SEC16B: variants seen among roughly 807,000 people sequenced by gnomAD.
SEC16B encodes the protein SEC16 homolog B, endoplasmic reticulum export factor.
In SEC16B, 115 loss-of-function variants were observed where a neutral mutation model predicts 141.8. That is an observed-to-expected ratio of 0.81 (90% CI 0.70 to 0.95). The LOEUF (loss-of-function observed/expected upper bound fraction) is 0.95, where lower values mean the gene tolerates loss of function less well. Ranked by LOEUF, SEC16B falls within the 40% of genes least tolerant of loss-of-function variation. The probability of loss-of-function intolerance (pLI) is 0.00; values close to 1 mark genes in which losing one functional copy is unlikely to be tolerated. For missense variants in SEC16B, 1,291 were observed against 1,312.3 expected (o/e 0.98, Z 0.25); for synonymous variants, 493 against 492.5 (o/e 1.00, Z -0.01).
rs1650888348 is a variant in SEC16B, at chr1:177,936,948, A to C, written c.2503+266T>G. On this transcript the variant is annotated intron_variant, in intron 19 of 25. Transcript: ENST00000308284. Reference sequence around the variant, plus strand: ...TCCTAGAAACTATGTAATCATTTGGATGGCAGGAGTGGCTCCATTTGCCCT... The same window carrying C: ...TCCTAGAAACTATGTAATCATTTGGCTGGCAGGAGTGGCTCCATTTGCCCT... Among the ~76,000 whole-genome samples, 4 of 152,166 alleles carry C rather than the reference A, an allele frequency of 2.6e-5. No individual in the cohort carries two copies. In the South Asian group the frequency reaches 8.3e-4, roughly 31 times the overall value.
chr1:177,975,905 G>C (rs551578614), intron 1 of SEC16B, among the ~76,000 whole-genome samples: 150 of 152,286 alleles, frequency 9.8e-4, no homozygotes, highest in Non-Finnish European at 1.9e-3. Context: ...TGGCAGACAA[G>C]ATGCAGAGCG....
At chr1:177,974,092 A>C (rs1458543406), upstream of SEC16B, among the ~76,000 whole-genome samples, 2 of 151,900 alleles carry the variant, frequency 1.3e-5, no homozygotes, top group South Asian at 4.1e-4. Flanking sequence ...AGGATGATCC[A>C]AGTTTTCAGG....
upstream of SEC16B, among the ~76,000 whole-genome samples, chr1:177,970,411 C>A (rs1198336957): frequency 1.3e-5 from 2 of 152,132 alleles, no homozygotes; most frequent in Admixed American, 6.5e-5. Flanking sequence ...AGGGTCATTA[C>A]GGGGCTGAAA....
chr1:177,965,261 G>A, intron 3 of SEC16B, 94 bp from the exon 4 acceptor site: 1 of 1,420,008 alleles, frequency 7.0e-7, no homozygotes, highest in East Asian at 2.4e-5. Context: ...AGCTCCTGGA[G>A]CACAGTAGAT....
rs1412651654 is a variant in SEC16B at position 177,979,347 on chromosome 1, C to T, written c.-59+4859G>A. Reference sequence around the variant, plus strand: ...GACAAGTTCTCCTTGTATAAAGGTTCATACTATTTTGCAGGTTCTACTGTT... The same window carrying T: ...GACAAGTTCTCCTTGTATAAAGGTTTATACTATTTTGCAGGTTCTACTGTT... On this transcript the variant is annotated intron_variant and NMD_transcript_variant, in intron 1 of 24. Coordinates refer to the SEC16B transcript ENST00000528461. Among the ~76,000 whole-genome samples, 2 of 152,286 alleles carry T rather than the reference C, an allele frequency of 1.3e-5. 1 individual carries two copies. The highest frequency in any genetic ancestry group is 3.9e-4 in the East Asian group (2 of 5,174).
In SEC16B at chr1:177,949,383, AACACACACACACACACACAC is replaced by A. The variant is rs61635250; in HGVS notation, c.1546-1461_1546-1442del. On this transcript the variant is annotated intron_variant, in intron 12 of 25. Transcript: ENST00000308284. ...CAAAAGGGAAGGAAATCCCTTGCTA[AACACACACACACACACACAC>A]ACACACACACACACACACACACACA... 2.6e-3 allele frequency among the ~76,000 whole-genome samples: 361 copies of A among 136,800 alleles called. 4 individuals carry two copies. The highest frequency in any genetic ancestry group is 0.01 in the East Asian group (49 of 4,726). The allele number at this position is 136,800 out of a possible 152,430, so 89.7% of individuals were successfully genotyped here. A position where few individuals can be genotyped will look rare whatever the true frequency, so the allele number is the denominator to read the frequency against.
chr1:177,937,250 C>A lies in SEC16B; in HGVS notation c.2467G>T (p.Val823Phe). The A allele has an allele frequency of 6.2e-7, 1 of 1,613,752 alleles. No homozygotes were observed. The highest frequency in any genetic ancestry group is 8.5e-7 in the Non-Finnish European group (1 of 1,179,814). Residue 823 changes from valine (V) to phenylalanine (F), a missense_variant, in exon 19 of 26, where the codon GTC becomes TTC. Transcript: ENST00000308284. ...TGTGTCTGCAGCATTTCCTCCCAGA[C>A]TGTTCCTCCAGTGGCCTCTGTCACT... Reference protein sequence around the residue: ...VAVTEATGGTVWEEMLQTHLG... With the variant: ...VAVTEATGGTFWEEMLQTHLG...
At chr1:177,954,649 C>CT (rs1200302768) in intron 10 of SEC16B, among the ~76,000 whole-genome samples, 11 of 152,320 alleles carry the variant, frequency 7.2e-5, no homozygotes, top group African/African-American at 2.2e-4. Context: ...AGCCTCATCT[C>CT]TTTAGCAAAA....
rs1295294293 is a variant in SEC16B at position 177,978,702 on chromosome 1, A to AATAG, written c.-59+5503_-59+5504insCTAT. Among the ~76,000 whole-genome samples the AATAG allele has an allele frequency of 1.8e-3, 147 of 82,710 alleles. 1 individual carries two copies. The highest frequency in any genetic ancestry group is 4.7e-3 in the Middle Eastern group (1 of 214). 54.3% of individuals were successfully genotyped at this position (82,710 alleles called of 152,430 possible). ...GGTGACAAAGTAAGACCCTGTCTCA[A>AATAG]ATAAATAAATAAATAAATAAATAAA... On this transcript the variant is annotated intron_variant and NMD_transcript_variant, in intron 1 of 24. Transcript: ENST00000528461.
intron 14 of SEC16B, 105 bp from the exon 15 acceptor site, chr1:177,944,771 T>G: frequency 1.1e-6 from 1 of 919,352 alleles, no homozygotes; most frequent in Non-Finnish European, 1.7e-6. Flanking sequence ...TGGGGGAGTT[T>G]CCATCCTGGG....
chr1:177,931,047 C>G (rs1316912803), intron 24 of SEC16B, among the ~76,000 whole-genome samples: 1 of 152,150 alleles, frequency 6.6e-6, no homozygotes, highest in Non-Finnish European at 1.5e-5. Context: ...GTAGAACTAC[C>G]ATTTGATCCA....
chr1:177,948,933 AC>A (rs1378017114), intron 12 of SEC16B, among the ~76,000 whole-genome samples: 3 of 149,232 alleles, frequency 2.0e-5, no homozygotes, highest in African/African-American at 7.7e-5. Flanking sequence ...ACACACACAC[AC>A]ACACACACAC....
chr1:177,958,150 G>C lies in SEC16B; in HGVS notation c.1347C>G (p.Leu449=). Residue 449 remains leucine (L), a synonymous_variant, in exon 10 of 26, where the codon CTC becomes CTG. Coordinates refer to ENST00000308284, the MANE Select transcript of SEC16B (RefSeq NM_033127.4). ...TACTTGCCTTCTTCCTTCCATAGTA[G>C]AGCAGCCTAGTGAATTTCTCCACGA... ...AQIVEKFTRL[L]YYGRKKEALE... The C allele has an allele frequency of 2.6e-6, 4 of 1,533,200 alleles. No homozygotes were observed. The highest frequency in any genetic ancestry group is 3.5e-6 in the Non-Finnish European group (4 of 1,136,036). The allele number at this position is 1,533,200 out of a possible 1,614,324, so 95.0% of individuals were successfully genotyped here.
At chr1:177,964,094 C>A in intron 5 of SEC16B, 77 bp downstream of exon 5, 1 of 1,031,922 alleles carries the variant, frequency 9.7e-7, no homozygotes, top group Non-Finnish European at 1.4e-6. Flanking sequence ...TCCCCAAGGG[C>A]CCTGTTCTGC....
In SEC16B at chr1:177,936,421, T is replaced by A. The variant is rs530095207; in HGVS notation, c.2504-56A>T. On this transcript the variant is annotated intron_variant, in intron 19 of 25. Coordinates refer to ENST00000308284, the MANE Select transcript of SEC16B (RefSeq NM_033127.4). Reference sequence around the variant, plus strand: ...TTGGAAGTTGTGCTTTTCCCATCTATCCTGAAGAAGGGTAACTGGGACACA... The same window carrying A: ...TTGGAAGTTGTGCTTTTCCCATCTAACCTGAAGAAGGGTAACTGGGACACA... The A allele has an allele frequency of 3.4e-6, 5 of 1,454,220 alleles. No homozygotes were observed. In the African/African-American group the frequency reaches 5.6e-5, roughly 16 times the overall value. The allele number at this position is 1,454,220 out of a possible 1,614,324, so 90.1% of individuals were successfully genotyped here.
At chr1:177,969,065 T>C (rs1247547213) in intron 1 of SEC16B, among the ~76,000 whole-genome samples, 2 of 152,214 alleles carry the variant, frequency 1.3e-5, no homozygotes, top group African/African-American at 4.8e-5. Flanking sequence ...GGATTCCTTG[T>C]GTCAGGAGCA....
At chr1:177,937,163 C>T in intron 19 of SEC16B, 51 bp downstream of exon 19, 6 of 1,538,802 alleles carry the variant, frequency 3.9e-6, no homozygotes, top group Non-Finnish European at 5.2e-6. Context: ...CCTGCTTCCT[C>T]CCCACCCAGA....
chr1:177,960,615 A>C, intron 7 of SEC16B, 176 bp downstream of exon 7: 1 of 718,840 alleles, frequency 1.4e-6, no homozygotes, highest in Non-Finnish European at 2.3e-6. Context: ...CTTTCAGAGA[A>C]GAGCCCCACC....
intron 1 of SEC16B, among the ~76,000 whole-genome samples, chr1:177,976,514 T>G (rs889488758): frequency 2.0e-5 from 3 of 152,180 alleles, no homozygotes; most frequent in Non-Finnish European, 4.4e-5. Context: ...TGGAATAAAG[T>G]TGTCCAGGTG....
Sources: allele counts gnomAD v4.1 joint callset (sites outside exome capture counted in the v4.1 genomes callset), GRCh38; gene constraint gnomAD v4.1.1; transcripts MANE v1.5; gene names NCBI Gene and HGNC (gene_info 2026-07-23, HGNC 2026-07-21).